The following GSAP variants were observed in gnomAD, a reference collection of about 807,000 sequenced individuals.
The protein encoded by GSAP is gamma-secretase-activating protein.
GSAP carries 118 observed loss-of-function variants against 131.7 expected under a neutral mutation model. That is an observed-to-expected ratio of 0.90 (90% CI 0.77 to 1.04). GSAP has a LOEUF of 1.04. Among genes scored for constraint, GSAP ranks in the 50% least tolerant of loss-of-function variants. The pLI, the probability that GSAP is intolerant of heterozygous loss-of-function variation, is 0.00. For missense variants in GSAP, 1,019 were observed against 1,013.2 expected (o/e 1.01, Z -0.08); for synonymous variants, 381 against 363.4 (o/e 1.05, Z -0.55).
rs60508861 is a variant in GSAP, at chr7:77,404,698, AACTC to A, written c.187-87_187-84del. ...ACTAGTTTTAAAACCAACCTGCAAT[AACTC>A]AATCTTAGCAGTAAGCACTCTAAAA... is the stretch of plus-strand genomic sequence containing the variant. On this transcript the variant is annotated intron_variant, in intron 2 of 30. Transcript: ENST00000257626. The A allele has an allele frequency of 6.5e-3, 5,066 of 775,920 alleles. 233 individuals carry two copies. The East Asian group carries it at 0.11, about 16-fold the overall frequency. 48.1% of individuals were successfully genotyped at this position (775,920 alleles called of 1,614,324 possible).
At chr7:77,346,270 C>CAAAAAAAAAAAAAAAAAAAAAAAAAA (rs1223497863) in intron 19 of GSAP, among the ~76,000 whole-genome samples, 1 of 40,884 alleles carries the variant, frequency 2.4e-5, no homozygotes, top group Non-Finnish European at 4.7e-5. Context: ...GACTCCATCT[C>CAAAAAAAAAAAAAAAAAAAAAAAAAA]AAAAAAAAAA....
intron 5 of GSAP, among the ~76,000 whole-genome samples, chr7:77,389,120 T>C (rs907242919): frequency 1.3e-5 from 2 of 151,904 alleles, no homozygotes; most frequent in African/African-American, 4.8e-5. Flanking sequence ...GAGAGGTGAG[T>C]ATGTGGGGGG....
In GSAP at chr7:77,416,300, C is replaced by T. The variant is rs1484974021; in HGVS notation, c.22G>A (p.Asp8Asn). 7 of 1,496,302 alleles carry T rather than the reference C, an allele frequency of 4.7e-6. No homozygotes were observed. In the African/African-American group the frequency reaches 7.3e-5, roughly 16 times the overall value. The allele number at this position is 1,496,302 out of a possible 1,614,324, so 92.7% of individuals were successfully genotyped here. A position where few individuals can be genotyped will look rare whatever the true frequency, so the allele number is the denominator to read the frequency against. Residue 8 changes from aspartate (D) to asparagine (N), a missense_variant, in exon 1 of 31, where the codon GAC becomes AAC. Asp to Asn is a conservative substitution (Grantham distance 23, BLOSUM62 1). Coordinates refer to ENST00000257626, the MANE Select transcript of GSAP (RefSeq NM_017439.4). ...AGCACGTCCTTCCCGAGGTCGAAGT[C>T]GGCGACCAGGCGAAGAGCCATCGCC... MALRLVADFDLGKDVLPW... is the reference protein window; with the variant it reads MALRLVANFDLGKDVLPW...
chr7:77,395,316 G>T (rs1470737465), intron 5 of GSAP, among the ~76,000 whole-genome samples: 2 of 152,070 alleles, frequency 1.3e-5, no homozygotes, highest in Non-Finnish European at 2.9e-5. Flanking sequence ...ACCACCTCCA[G>T]GAACACAGCA....
rs200710818 is a variant in GSAP at position 77,314,370 on chromosome 7, C to T, written c.2209G>A (p.Asp737Asn). ...CTCTGGCAAACTCAGGGCTTCTTAC[C>T]TTTCATGAGCCTTATGACAGCTGTT... ...TETAVIRLMK[D>N]LDNTEKNEKL... Residue 737 changes from aspartate (D) to asparagine (N), a missense_variant and splice_region_variant, in exon 27 of 31, where the codon GAT becomes AAT. Coordinates refer to ENST00000257626, the MANE Select transcript of GSAP (RefSeq NM_017439.4). 33 of 1,613,452 alleles carry T rather than the reference C, an allele frequency of 2.0e-5. No homozygotes were observed. Among genetic ancestry groups the T allele is most frequent in the Non-Finnish European group, 2.5e-5 (30 of 1,179,728 alleles).
chr7:77,339,969 T>C (rs958579483), intron 19 of GSAP, among the ~76,000 whole-genome samples: 1 of 152,150 alleles, frequency 6.6e-6, no homozygotes, highest in Non-Finnish European at 1.5e-5. Flanking sequence ...TAAGCTATCA[T>C]ATCCCCTGTG....
intron 19 of GSAP, among the ~76,000 whole-genome samples, chr7:77,338,628 C>A (rs941238112): frequency 6.6e-6 from 1 of 152,124 alleles, no homozygotes; most frequent in African/African-American, 2.4e-5. Context: ...TTCGCTGTAA[C>A]CTCATGTGGC....
intron 6 of GSAP, among the ~76,000 whole-genome samples, chr7:77,384,876 G>A (rs1255015239): frequency 6.6e-6 from 1 of 152,084 alleles, no homozygotes; most frequent in Admixed American, 6.6e-5. Context: ...TTGCCACTGG[G>A]GTTTAGAGGA....
intron 9 of GSAP, 49 bp downstream of exon 9, chr7:77,377,237 T>TAAAAAA (rs533755073): frequency 0.013 from 11,537 of 881,118 alleles, 76 homozygotes; most frequent in Non-Finnish European, 0.015. Flanking sequence ...AATATTTTTG[T>TAAAAAA]AAAAAAAAAA....
At chr7:77,389,229 T>C (rs1799036367) in intron 5 of GSAP, among the ~76,000 whole-genome samples, 1 of 151,986 alleles carries the variant, frequency 6.6e-6, no homozygotes. Flanking sequence ...AGTATGCGTG[T>C]GTGTATGTAT....
intron 22 of GSAP, 110 bp downstream of exon 22, chr7:77,328,496 C>CCA: frequency 6.7e-7 from 1 of 1,496,396 alleles, no homozygotes. Context: ...GCTGCCTGCA[C>CCA]CACACTACTG....
intron 11 of GSAP, 86 bp from the exon 12 acceptor site, chr7:77,374,241 A>G (rs1329051422): frequency 3.3e-5 from 22 of 657,776 alleles, no homozygotes; most frequent in Non-Finnish European, 5.3e-5. Flanking sequence ...TAAATAATAT[A>G]CCCACAGAAG....
intron 26 of GSAP, 70 bp downstream of exon 26, chr7:77,320,655 C>T: frequency 1.1e-6 from 1 of 894,834 alleles, no homozygotes; most frequent in South Asian, 1.4e-5. Context: ...TTATAATGTA[C>T]CAAAGGCAAG....
chr7:77,322,313 G>C (rs769017988), intron 24 of GSAP, among the ~76,000 whole-genome samples: 5 of 152,220 alleles, frequency 3.3e-5, no homozygotes, highest in African/African-American at 7.2e-5. Context: ...ACTAGTGGCT[G>C]CTGGGCAGGG....
At chr7:77,388,370 T>TATC (rs1488513543) in intron 5 of GSAP, among the ~76,000 whole-genome samples, 4 of 152,250 alleles carry the variant, frequency 2.6e-5, no homozygotes, top group Admixed American at 2.6e-4. Context: ...AGGCTGACAG[T>TATC]ATCTATCATT....
At chr7:77,391,462 C>T (rs1799530575) in intron 5 of GSAP, among the ~76,000 whole-genome samples, 2 of 152,114 alleles carry the variant, frequency 1.3e-5, no homozygotes, top group Non-Finnish European at 2.9e-5. Context: ...TTCAGTTCTG[C>T]CATTATCCTG....
chr7:77,406,052 C>A lies in GSAP; in HGVS notation c.163G>T (p.Gly55Ter). ...ACCTTATAGGTATAAATAATATTTCCATTTCTTTCAACATTTAATACATGT... is the reference window on the plus strand; with the variant it reads ...ACCTTATAGGTATAAATAATATTTCAATTTCTTTCAACATTTAATACATGT... ...SLHVLNVERN[G>*]NIIYTYKDDK... Residue 55 changes from glycine (G) to a stop codon, truncating the protein, a stop_gained, in exon 2 of 31, where the codon GGA (glycine) becomes TGA (stop). Transcript: ENST00000257626. LOFTEE classifies it high-confidence loss of function. 2 of 1,041,336 alleles carry A rather than the reference C, an allele frequency of 1.9e-6. No individual in the cohort carries two copies. The highest frequency in any genetic ancestry group is 1.6e-5 in the South Asian group (1 of 64,206). The allele number at this position is 1,041,336 out of a possible 1,614,324, so 64.5% of individuals were successfully genotyped here. A position where few individuals can be genotyped will look rare whatever the true frequency, so the allele number is the denominator to read the frequency against.
chr7:77,352,958 G>C lies in GSAP; in HGVS notation c.1477C>G (p.Leu493Val). 6.3e-7 allele frequency: 1 copy of C among 1,579,122 alleles called. No homozygotes were observed. The highest frequency in any genetic ancestry group is 1.1e-5 in the South Asian group (1 of 90,360). ...MDKLLPHSSV[L>V]TWNTEIPGIT... is the part of the protein sequence containing the mutation. ...TGTTAACTTACTGTATTCCAAGTGA[G>C]CACTGAGGAATGTGGCAATAGTTTG... Residue 493 changes from leucine to valine, a missense_variant, in exon 18 of 31, where the codon CTC (leucine) becomes GTC (valine). Leu to Val is a conservative substitution (Grantham distance 32). Coordinates refer to ENST00000257626, the MANE Select transcript of GSAP (RefSeq NM_017439.4).
rs1323514867 is a variant in GSAP at position 77,355,376 on chromosome 7, C to T, written c.1175G>A (p.Gly392Glu). 1.2e-6 allele frequency: 2 copies of T among 1,613,344 alleles called. No individual in the cohort carries two copies. Among genetic ancestry groups the T allele is most frequent in the South Asian group, 1.1e-5 (1 of 91,066 alleles). Residue 392 changes from glycine to glutamate, a missense_variant, in exon 16 of 31, where the codon GGG (glycine) becomes GAG (glutamate). Coordinates refer to ENST00000257626, the MANE Select transcript of GSAP (RefSeq NM_017439.4). Reference sequence around the variant, plus strand: ...AGAACAACAATCCAATACCAGGGACCCTGACAATGACTGTAAAGGGCAATG... The same window carrying T: ...AGAACAACAATCCAATACCAGGGACTCTGACAATGACTGTAAAGGGCAATG... ...LPHCPLQSLSGSLVLDCCSGK... is the reference protein window; with the variant it reads ...LPHCPLQSLSESLVLDCCSGK...
Sources: allele counts gnomAD v4.1 joint callset (sites outside exome capture counted in the v4.1 genomes callset), GRCh38; gene constraint gnomAD v4.1.1; transcripts MANE v1.5; gene names NCBI Gene and HGNC (gene_info 2026-07-23, HGNC 2026-07-21).